The following SUN2 variants were observed in gnomAD, a reference collection of about 807,000 sequenced individuals.
The protein encoded by SUN2 is SUN domain-containing protein 2.
A neutral mutation model predicts 100.0 loss-of-function variants in SUN2; 60 were observed. The observed-to-expected ratio is 0.60, with a 90% CI of 0.49 to 0.74. SUN2 has a LOEUF of 0.74. Ranked by LOEUF, SUN2 falls within the 30% of genes least tolerant of loss-of-function variation. The pLI is 0.00. For synonymous variants in SUN2, 367 were observed against 403.3 expected (o/e 0.91, Z 1.08); for missense variants, 834 against 954.6 (o/e 0.87, Z 1.66).
Position 38,736,129 on chromosome 22 carries a change from T to C in SUN2, c.*138A>G. 1.2e-6 allele frequency: 1 copy of C among 833,478 alleles called. No homozygotes were observed. The highest frequency in any genetic ancestry group is 2.0e-6 in the Non-Finnish European group (1 of 493,930). The allele number at this position is 833,478 out of a possible 1,614,324, so 51.6% of individuals were successfully genotyped here. A position where few individuals can be genotyped will look rare whatever the true frequency, so the allele number is the denominator to read the frequency against. On this transcript the variant is annotated 3_prime_UTR_variant, in exon 18 of 18. Transcript: ENST00000689035. The stretch of plus-strand genomic sequence containing the variant: ...CCTGCTGCTCAGGAGACCCTGCCCG[T>C]CCTTTTCATCTGCATGGGGCCACAG...
chr22:38,749,242 G>C (rs949086971), intron 6 of SUN2, among the ~76,000 whole-genome samples: 1 of 152,158 alleles, frequency 6.6e-6, no homozygotes, highest in African/African-American at 2.4e-5. Flanking sequence ...GTGTTCTTCT[G>C]CCTAAGGGGC....
chr22:38,753,210 CTTTTTTTTT>C (rs869037443), intron 1 of SUN2, among the ~76,000 whole-genome samples: 79 of 86,260 alleles, frequency 9.2e-4, no homozygotes, highest in African/African-American at 3.9e-3. Context: ...CACCTATGTT[CTTTTTTTTT>C]TTTTTTTTTT....
In SUN2 at chr22:38,741,050, C is replaced by G; in HGVS notation, c.1147G>C (p.Glu383Gln). ...LFKKIVRASQ[E>Q]SEARIQQLKS... Reference sequence around the variant, plus strand: ...AGCTGCTGGATGCGAGCCTCGGACTCCTGTGTAGGAAGAAGGGACAAATAC... The same window carrying G: ...AGCTGCTGGATGCGAGCCTCGGACTGCTGTGTAGGAAGAAGGGACAAATAC... Residue 383 changes from glutamate to glutamine, a missense_variant and splice_region_variant, in exon 11 of 18, where the codon GAG (glutamate) becomes CAG (glutamine). Coordinates refer to ENST00000689035, the MANE Select transcript of SUN2 (RefSeq NM_015374.3). The G allele has an allele frequency of 6.3e-7, 1 of 1,596,354 alleles. No homozygotes were observed. The highest frequency in any genetic ancestry group is 8.5e-7 in the Non-Finnish European group (1 of 1,171,108).
Position 38,755,474 on chromosome 22 carries a change from G to T in SUN2, c.-38+289C>A. On this transcript the variant is annotated intron_variant, in intron 1 of 17. Coordinates refer to ENST00000689035, the MANE Select transcript of SUN2 (RefSeq NM_015374.3). The surrounding 1 kb of genome is among the most constrained non-coding windows in gnomAD (Gnocchi z 5.7). ...AACCCGTAGGCGCTGCCCGGGGCCG[G>T]GTTGGGGCAGTCGGCCTTTGCCCTC... The T allele has an allele frequency of 2.0e-6, 2 of 988,486 alleles. No individual in the cohort carries two copies. The highest frequency in any genetic ancestry group is 2.4e-6 in the Non-Finnish European group (2 of 831,508). 61.2% of individuals were successfully genotyped at this position (988,486 alleles called of 1,614,324 possible).
chr22:38,738,194 A>G lies in SUN2; in HGVS notation c.2019T>C (p.Pro673=). 6.2e-7 allele frequency: 1 copy of G among 1,613,960 alleles called. No individual in the cohort carries two copies. The highest frequency in any genetic ancestry group is 8.5e-7 in the Non-Finnish European group (1 of 1,180,004). The change falls in exon 17 of 18, where the codon CCT becomes CCC. Residue 673 remains proline (P), a synonymous_variant. Transcript: ENST00000689035. The surrounding 1 kb of genome is among the most constrained non-coding windows in gnomAD (Gnocchi z 6.6). The part of the protein sequence containing the change: ...GKFTYDQDGE[P]IQTFHFQAPT... Reference sequence around the variant, plus strand: ...GTACCTGAAAGTGAAACGTCTGAATAGGCTCGCCGTCCTGATCGTAAGTGA... The same window carrying G: ...GTACCTGAAAGTGAAACGTCTGAATGGGCTCGCCGTCCTGATCGTAAGTGA...
At position 38,751,203 on chromosome 22, in the gene SUN2, C is replaced by T; in HGVS notation, c.286+7G>A. The T allele has an allele frequency of 6.2e-7, 1 of 1,610,870 alleles. No individual in the cohort carries two copies. Among genetic ancestry groups the T allele is most frequent in the Non-Finnish European group, 8.5e-7 (1 of 1,177,392 alleles). ...CAAAGCCCCGGGACGGAGGGCTCCA[C>T]ACTCACCCCAGTTGGCGTCACCATG... is the stretch of plus-strand genomic sequence containing the variant. On this transcript the variant is annotated splice_region_variant and intron_variant, in intron 3 of 17. Transcript: ENST00000689035.
intron 1 of SUN2, among the ~76,000 whole-genome samples, chr22:38,753,160 C>T (rs2146100703): frequency 6.6e-6 from 1 of 152,068 alleles, no homozygotes; most frequent in South Asian, 2.1e-4. Context: ...CATCGAGGGC[C>T]CCAACGAACC....
intron 8 of SUN2, chr22:38,744,961 G>A (rs551350326): frequency 6.7e-5 from 30 of 445,968 alleles, no homozygotes; most frequent in African/African-American, 4.6e-4. Flanking sequence ...CCCTGCAGCC[G>A]CACCTCTGTC....
chr22:38,738,093 G>T lies in SUN2; in HGVS notation c.2040+80C>A, dbSNP rs752384161. On this transcript the variant is annotated intron_variant, in intron 17 of 17. Coordinates refer to ENST00000689035, the MANE Select transcript of SUN2 (RefSeq NM_015374.3). The surrounding 1 kb of genome is among the most constrained non-coding windows in gnomAD (Gnocchi z 6.6). ...CTTCCCTCTCTGAACCCCATGCCTG[G>T]CAGGGTAAGTGCCCAGGGAGCACCT... 8 of 1,266,384 alleles carry T rather than the reference G, an allele frequency of 6.3e-6. No individual in the cohort carries two copies. The South Asian group carries it at 8.3e-5, about 13-fold the overall frequency. 78.4% of individuals were successfully genotyped at this position (1,266,384 alleles called of 1,614,324 possible).
In SUN2 at chr22:38,740,155, T is replaced by G; in HGVS notation, c.1356+112A>C. 2 of 1,379,030 alleles carry G rather than the reference T, an allele frequency of 1.5e-6. No homozygotes were observed. Among genetic ancestry groups the G allele is most frequent in the Non-Finnish European group, 1.9e-6 (2 of 1,043,216 alleles). 85.4% of individuals were successfully genotyped at this position (1,379,030 alleles called of 1,614,324 possible). ...GTGTCAAGGCCAACGCCACAGTCTC[T>G]TGGGCATAACAGAGGCTGCAGGGGC... On this transcript the variant is annotated intron_variant, in intron 12 of 17. Coordinates refer to ENST00000689035, the MANE Select transcript of SUN2 (RefSeq NM_015374.3). The surrounding 1 kb of genome is among the most constrained non-coding windows in gnomAD (Gnocchi z 4.8).
At chr22:38,749,730 C>T in intron 6 of SUN2, 36 bp downstream of exon 6, 1 of 1,598,316 alleles carries the variant, frequency 6.3e-7, no homozygotes, top group Non-Finnish European at 8.6e-7. Flanking sequence ...ACCCCAGGGC[C>T]TTGCGATTTA....
At chr22:38,745,064 A>C (rs2092891788) in intron 8 of SUN2, 1 of 471,052 alleles carries the variant, frequency 2.1e-6, no homozygotes, top group Non-Finnish European at 4.4e-6. Flanking sequence ...TAGCCAACAG[A>C]ATGTGGCGGG....
At chr22:38,750,826 G>A in intron 4 of SUN2, 72 bp downstream of exon 4, 2 of 1,590,796 alleles carry the variant, frequency 1.3e-6, no homozygotes, top group South Asian at 1.1e-5. Flanking sequence ...GCTCCCCGGG[G>A]CTCCCTGCCC....
At position 38,739,469 on chromosome 22, in the gene SUN2, C is replaced by A. The variant is rs772614064; in HGVS notation, c.1579-43G>T. Reference sequence around the variant, plus strand: ...GGAGACGGTTGCAGCAGGGAGCAGACGTGTCCCCCTGTCACCTCGTGGCCG... The same window carrying A: ...GGAGACGGTTGCAGCAGGGAGCAGAAGTGTCCCCCTGTCACCTCGTGGCCG... On this transcript the variant is annotated intron_variant, in intron 13 of 17. Transcript: ENST00000689035. This position sits in a 1 kb window ranked among gnomAD's most constrained non-coding sequence, Gnocchi z 6.7. 6.2e-7 allele frequency: 1 copy of A among 1,603,614 alleles called. No homozygotes were observed. The highest frequency in any genetic ancestry group is 1.3e-5 in the African/African-American group (1 of 74,702).
intron 7 of SUN2, among the ~76,000 whole-genome samples, chr22:38,746,408 C>G (rs1221771741): frequency 6.6e-6 from 1 of 152,200 alleles, no homozygotes; most frequent in East Asian, 1.9e-4. Context: ...CTGTTTGATA[C>G]CTGTTTACTC....
In SUN2 at chr22:38,738,938, C is replaced by T. The variant is rs1176573426; in HGVS notation, c.1714G>A (p.Ala572Thr). 5 of 1,613,544 alleles carry T rather than the reference C, an allele frequency of 3.1e-6. No individual in the cohort carries two copies. The highest frequency in any genetic ancestry group is 4.2e-6 in the Non-Finnish European group (5 of 1,179,738). The change falls in exon 15 of 18, where the codon GCC becomes ACC. Residue 572 changes from alanine (A) to threonine (T), a missense_variant. Ala to Thr is a moderately conservative substitution (Grantham distance 58, BLOSUM62 0). This residue lies in a region of SUN2 where 195 missense variants were observed against 280.2 expected (regional missense o/e 0.70). Transcript: ENST00000689035. This position sits in a 1 kb window ranked among gnomAD's most constrained non-coding sequence, Gnocchi z 6.6. Reference protein sequence around the residue: ...RCSETYETKTALLSLFGIPLW... With the variant: ...RCSETYETKTTLLSLFGIPLW... Reference sequence around the variant, plus strand: ...GGGATGCCGAAGAGGCTGAGGAGGGCCGTCTTGGTCTCGTAGGTCTCAGAA... The same window carrying T: ...GGGATGCCGAAGAGGCTGAGGAGGGTCGTCTTGGTCTCGTAGGTCTCAGAA...
chr22:38,745,503 G>C (rs1035998321), intron 8 of SUN2, among the ~76,000 whole-genome samples, 181 bp downstream of exon 8: 1 of 152,252 alleles, frequency 6.6e-6, no homozygotes, highest in African/African-American at 2.4e-5. Flanking sequence ...AAGGAACAAA[G>C]CAGACAAGAT....
chr22:38,741,712 A>T, intron 9 of SUN2, 141 bp from the exon 10 acceptor site: 1 of 717,962 alleles, frequency 1.4e-6, no homozygotes, highest in Non-Finnish European at 2.4e-6. Flanking sequence ...TGAACCACGC[A>T]AGACTCCCGC....
Position 38,739,807 on chromosome 22 carries a change from T to C in SUN2, c.1493A>G (p.Glu498Gly), listed in dbSNP as rs778927026. The change falls in exon 13 of 18, where the codon GAG becomes GGG. Residue 498 changes from glutamate to glycine, a missense_variant. Glu to Gly is a moderately conservative substitution (Grantham distance 98). Coordinates refer to ENST00000689035, the MANE Select transcript of SUN2 (RefSeq NM_015374.3). The surrounding 1 kb of genome is among the most constrained non-coding windows in gnomAD (Gnocchi z 6.7). ...LESKILTHVA[E>G]MQGKSAREAA... ...TTCCCTGGCCGACTTGCCCTGCATC[T>C]CTGCCACATGGGTGAGGATCTTGCT... The C allele has an allele frequency of 2.5e-6, 4 of 1,613,682 alleles. No homozygotes were observed. The East Asian group carries it at 8.9e-5, about 36-fold the overall frequency.
Sources: allele counts gnomAD v4.1 joint callset (sites outside exome capture counted in the v4.1 genomes callset), GRCh38; gene constraint gnomAD v4.1.1; regional missense constraint gnomAD v4.1.1; non-coding constraint Gnocchi (gnomAD v3.1); transcripts MANE v1.5; gene names NCBI Gene and HGNC (gene_info 2026-07-23, HGNC 2026-07-21).